ABCB10: variants seen among roughly 807,000 people sequenced by gnomAD.
The protein encoded by ABCB10 is ATP-binding cassette sub-family B member 10, mitochondrial.
ABCB10 carries 54 observed loss-of-function variants against 65.4 expected under a neutral mutation model. The observed-to-expected ratio is 0.83, with a 90% CI of 0.66 to 1.04. ABCB10 has a LOEUF of 1.04. Among genes scored for constraint, ABCB10 ranks in the 50% least tolerant of loss-of-function variants. The pLI is 0.00. For synonymous variants in ABCB10, 418 were observed against 406.5 expected, an observed-to-expected ratio of 1.03 and a Z score of -0.34; for missense variants, 846 against 976.6, an observed-to-expected ratio of 0.87 and a Z score of 1.78.
intron 11 of ABCB10, 137 bp from the exon 12 acceptor site, chr1:229,519,012 G>A: frequency 1.5e-6 from 1 of 649,690 alleles, no homozygotes. Context: ...AGTGAAAGAA[G>A]CCAGACACAA....
At chr1:229,527,724 T>C (rs1450331269) in intron 8 of ABCB10, among the ~76,000 whole-genome samples, 1 of 152,198 alleles carries the variant, frequency 6.6e-6, no homozygotes, top group Non-Finnish European at 1.5e-5. Flanking sequence ...GGCACAGCTC[T>C]GAAGCTGGCA....
chr1:229,522,872 CAA>C (rs1311773541), intron 10 of ABCB10, among the ~76,000 whole-genome samples: 4 of 151,742 alleles, frequency 2.6e-5, no homozygotes, highest in African/African-American at 7.3e-5. Context: ...TTTTTTGAGA[CAA>C]GAGTCTTGCT....
chr1:229,543,878 C>T (rs1300314476), intron 3 of ABCB10, among the ~76,000 whole-genome samples: 1 of 152,152 alleles, frequency 6.6e-6, no homozygotes, highest in African/African-American at 2.4e-5. Flanking sequence ...AATCATATCT[C>T]TGATGGTCAC....
At chr1:229,527,381 G>T (rs1662471158) in intron 8 of ABCB10, 73 bp from the exon 9 acceptor site, 3 of 1,361,496 alleles carry the variant, frequency 2.2e-6, no homozygotes, top group East Asian at 2.3e-5. Flanking sequence ...AAAGGATCCG[G>T]TGGGAAAATT....
At chr1:229,519,666 G>A (rs974581744) in intron 11 of ABCB10, among the ~76,000 whole-genome samples, 1 of 152,200 alleles carries the variant, frequency 6.6e-6, no homozygotes, top group Non-Finnish European at 1.5e-5. Context: ...GCACATGCCT[G>A]TAATCCCAGC....
At position 229,518,271 on chromosome 1, in the gene ABCB10, T is replaced by C. The variant is rs1662223405; in HGVS notation, c.2125A>G (p.Ile709Val). The change falls in exon 13 of 13, where the codon ATT (isoleucine) becomes GTT (valine). Residue 709 changes from isoleucine (I) to valine (V), a missense_variant. Coordinates refer to ENST00000344517, the MANE Select transcript of ABCB10 (RefSeq NM_012089.3). ...NMVAVLDQGK[I>V]TEYGKHEELL... ...TCTTCATGTTTTCCATATTCAGTAA[T>C]TTTTCCTTGGTCAAGAACAGCAACC... 2.5e-6 allele frequency: 4 copies of C among 1,614,096 alleles called. No homozygotes were observed. The highest frequency in any genetic ancestry group is 8.5e-7 in the Non-Finnish European group (1 of 1,180,042).
At chr1:229,556,842 G>A (rs947603500) in intron 1 of ABCB10, among the ~76,000 whole-genome samples, 1 of 152,186 alleles carries the variant, frequency 6.6e-6, no homozygotes, top group Non-Finnish European at 1.5e-5. Flanking sequence ...CTTCACTGAA[G>A]GCACTCTGAG....
chr1:229,547,223 T>C (rs888425431), intron 3 of ABCB10, among the ~76,000 whole-genome samples: 5 of 152,342 alleles, frequency 3.3e-5, no homozygotes, highest in South Asian at 2.1e-4. Flanking sequence ...TGCTCTTTTC[T>C]GCCTTAATAC....
At chr1:229,547,742 C>T in intron 2 of ABCB10, 41 bp from the exon 3 acceptor site, 4 of 1,595,434 alleles carry the variant, frequency 2.5e-6, no homozygotes, top group Non-Finnish European at 3.4e-6. Context: ...AGGGTAAAGA[C>T]ATCCATTACC....
At chr1:229,525,566 C>T (rs1662420497) in intron 10 of ABCB10, among the ~76,000 whole-genome samples, 1 of 152,136 alleles carries the variant, frequency 6.6e-6, no homozygotes, top group South Asian at 2.1e-4. Context: ...GTGGGCTGGG[C>T]ACGGTGGCTC....
intron 4 of ABCB10, among the ~76,000 whole-genome samples, chr1:229,541,530 T>G (rs1157565866): frequency 6.6e-6 from 1 of 152,214 alleles, no homozygotes; most frequent in African/African-American, 2.4e-5. Context: ...CCTGGCCATT[T>G]TTAATTTTTG....
At chr1:229,553,091 C>T (rs1047444828) in intron 1 of ABCB10, among the ~76,000 whole-genome samples, 2 of 151,428 alleles carry the variant, frequency 1.3e-5, no homozygotes, top group East Asian at 3.9e-4. Flanking sequence ...CCTAAAAGGG[C>T]TTTACACTGG....
At chr1:229,540,572 G>A (rs1295469327) in intron 5 of ABCB10, 34 bp downstream of exon 5, 19 of 1,575,972 alleles carry the variant, frequency 1.2e-5, no homozygotes, top group Non-Finnish European at 1.6e-5. Context: ...TCTAACATTT[G>A]CCAATTTTAC....
At position 229,531,653 on chromosome 1, in the gene ABCB10, G is replaced by T. The variant is rs1463569096; in HGVS notation, c.1418C>A (p.Pro473His). Residue 473 changes from proline (P) to histidine (H), a missense_variant, in exon 7 of 13, where the codon CCC (proline) becomes CAC (histidine). By Grantham distance (77) the Pro-to-His change is moderately conservative. Around this residue, in one of 2 missense-constraint regions of ABCB10, gnomAD observed 632 missense variants for 803.2 expected, o/e 0.79. Transcript: ENST00000344517. ...AGACCCACCGTTAAAAGGCAGCTTG[G>T]GCTCTCTCTCCAGGAGCTCCCAGAG... ...GRLWELLERE[P>H]KLPFNEGVIL... 6.2e-7 allele frequency: 1 copy of T among 1,613,634 alleles called. No individual in the cohort carries two copies. Among genetic ancestry groups the T allele is most frequent in the Non-Finnish European group, 8.5e-7 (1 of 1,179,826 alleles).
chr1:229,519,136 T>A, intron 11 of ABCB10: 1 of 339,320 alleles, frequency 2.9e-6, no homozygotes, highest in Non-Finnish European at 5.4e-6. Context: ...GGGAGTTGCA[T>A]GGCTGCTAAA....
At position 229,518,500 on chromosome 1, in the gene ABCB10, A is replaced by T. The variant is rs1662230606; in HGVS notation, c.1986-90T>A. The T allele has an allele frequency of 2.2e-5, 23 of 1,050,402 alleles. No homozygotes were observed. In the South Asian group the frequency reaches 3.2e-4, roughly 15 times the overall value. 65.1% of individuals were successfully genotyped at this position (1,050,402 alleles called of 1,614,324 possible). On this transcript the variant is annotated intron_variant, in intron 12 of 12. Coordinates refer to ENST00000344517, the MANE Select transcript of ABCB10 (RefSeq NM_012089.3). ...ACACAGCAGCCCTTCCTGAGCAATG[A>T]ATTTTTACCATGATCAAAATTTCAA... is the stretch of plus-strand genomic sequence containing the variant.
intron 6 of ABCB10, 81 bp downstream of exon 6, chr1:229,539,375 A>G (rs1662789340): frequency 6.5e-7 from 1 of 1,530,820 alleles, no homozygotes; most frequent in Non-Finnish European, 9.0e-7. Context: ...AATTGAAGTA[A>G]TGTGAAAGTT....
rs762732185 is a variant in ABCB10 at position 229,558,227 on chromosome 1, C to T, written c.426G>A (p.Gly142=). 5.1e-6 allele frequency: 7 copies of T among 1,368,098 alleles called. No individual in the cohort carries two copies. The Admixed American group carries it at 1.7e-4, about 33-fold the overall frequency. 84.7% of individuals were successfully genotyped at this position (1,368,098 alleles called of 1,614,324 possible). ...CTGCGGGGCGCAGCCGCCCCTTGTC[C>T]CCGGGAGGCGCCGCCGGCCCGCGCC... The part of the protein sequence containing the change: ...AWRRGPAAPP[G]DKGRLRPAAA... The change falls in exon 1 of 13, where the codon GGG becomes GGA. Residue 142 remains glycine, a synonymous_variant. Transcript: ENST00000344517.
At chr1:229,522,515 C>G (rs986919858) in intron 10 of ABCB10, among the ~76,000 whole-genome samples, 1 of 152,210 alleles carries the variant, frequency 6.6e-6, no homozygotes, top group African/African-American at 2.4e-5. Context: ...CCTGACTAAT[C>G]TTTTTAAAAA....
Sources: allele counts gnomAD v4.1 joint callset (sites outside exome capture counted in the v4.1 genomes callset), GRCh38; gene constraint gnomAD v4.1.1; regional missense constraint gnomAD v4.1.1; transcripts MANE v1.5; gene names NCBI Gene and HGNC (gene_info 2026-07-23, HGNC 2026-07-21).